MYLK: variants seen among roughly 807,000 people sequenced by gnomAD.
MYLK encodes the protein myosin light chain kinase, smooth muscle.
MYLK carries 106 observed loss-of-function variants against 203.4 expected under a neutral mutation model. That is an observed-to-expected ratio of 0.52 (90% CI 0.45 to 0.61). The LOEUF (loss-of-function observed/expected upper bound fraction) is 0.61, where lower values mean the gene tolerates loss of function less well. MYLK is among the 20% of genes least tolerant of loss of function. The pLI is 0.00. For synonymous variants in MYLK, 867 were observed against 959.5 expected, an observed-to-expected ratio of 0.90 and a Z score of 1.78; for missense variants, 2,072 against 2,442.3, an observed-to-expected ratio of 0.85 and a Z score of 3.20.
chr3:123,737,286 C>T (rs2062706156), intron 8 of MYLK, 92 bp downstream of exon 8: 1 of 1,525,752 alleles, frequency 6.6e-7, no homozygotes, highest in Non-Finnish European at 9.1e-7. Context: ...CAGGTGTATA[C>T]ACACACAGGT....
chr3:123,837,121 C>T (rs534030046), intron 2 of MYLK, among the ~76,000 whole-genome samples: 22 of 152,162 alleles, frequency 1.4e-4, no homozygotes, highest in Non-Finnish European at 3.2e-4. Flanking sequence ...GCAACCTCCA[C>T]CTCCTGGGTT....
In MYLK at chr3:123,612,627, A is replaced by C. The variant is rs1207913163; in HGVS notation, c.*1478T>G. 1 of 152,678 alleles carries C rather than the reference A, an allele frequency of 6.5e-6. No homozygotes were observed. The highest frequency in any genetic ancestry group is 1.9e-4 in the East Asian group (1 of 5,206). 9.5% of individuals were successfully genotyped at this position (152,678 alleles called of 1,614,324 possible). A position where few individuals can be genotyped will look rare whatever the true frequency, so the allele number is the denominator to read the frequency against. The stretch of plus-strand genomic sequence containing the variant: ...CTATTTTAAAAGCAAAAGGAAAAAT[A>C]CTGGCAGTTTGAAACTAGCAGCAAA... On this transcript the variant is annotated 3_prime_UTR_variant, in exon 34 of 34. Transcript: ENST00000360304.
chr3:123,680,717 T>C (rs2108445155), intron 20 of MYLK, among the ~76,000 whole-genome samples: 1 of 152,322 alleles, frequency 6.6e-6, no homozygotes, highest in East Asian at 1.9e-4. Flanking sequence ...AAGGTAAGAA[T>C]AAAATAAAGT....
Position 123,692,761 on chromosome 3 carries a change from T to G in MYLK, c.3539A>C (p.Glu1180Ala). ...CVAKNDAGQA[E>A]CSCQVTVDDA... is the part of the protein sequence containing the mutation. Reference sequence around the variant, plus strand: ...ATCCACGGTGACTTGGCAGGAGCACTCCGCCTGGCCAGCGTCATTCTTGGC... The same window carrying G: ...ATCCACGGTGACTTGGCAGGAGCACGCCGCCTGGCCAGCGTCATTCTTGGC... The change falls in exon 19 of 34, where the codon GAG becomes GCG. Residue 1180 changes from glutamate to alanine, a missense_variant. Glu to Ala is a moderately radical substitution (Grantham distance 107). Around this residue, in one of 3 missense-constraint regions of MYLK, gnomAD observed 865 missense variants for 1,016.0 expected, o/e 0.85. Coordinates refer to ENST00000360304, the MANE Select transcript of MYLK (RefSeq NM_053025.4). 1.2e-6 allele frequency: 2 copies of G among 1,613,900 alleles called. No homozygotes were observed. Among genetic ancestry groups the G allele is most frequent in the Non-Finnish European group, 1.7e-6 (2 of 1,179,982 alleles).
At chr3:123,733,653 T>C in intron 10 of MYLK, 34 bp downstream of exon 10, 1 of 1,612,116 alleles carries the variant, frequency 6.2e-7, no homozygotes. Context: ...GGGCTACATT[T>C]TGGCAATCGG....
chr3:123,694,065 G>A (rs990964069), intron 18 of MYLK, among the ~76,000 whole-genome samples: 3 of 152,194 alleles, frequency 2.0e-5, no homozygotes, highest in Non-Finnish European at 4.4e-5. Flanking sequence ...GCAAATACAA[G>A]GAGATTAGAA....
intron 2 of MYLK, among the ~76,000 whole-genome samples, chr3:123,846,407 T>A (rs2030002054): frequency 6.6e-6 from 1 of 152,190 alleles, no homozygotes; most frequent in African/African-American, 2.4e-5. Flanking sequence ...TTGAGATTGA[T>A]CTCTTAAGAA....
At chr3:123,801,674 T>G (rs1353680256) in intron 3 of MYLK, among the ~76,000 whole-genome samples, 1 of 152,184 alleles carries the variant, frequency 6.6e-6, no homozygotes, top group Non-Finnish European at 1.5e-5. Flanking sequence ...TGAGAACATG[T>G]GGTATTTGTT....
intron 27 of MYLK, 62 bp downstream of exon 27, chr3:123,647,162 G>GT (rs1036602172): frequency 3.4e-6 from 5 of 1,491,796 alleles, no homozygotes; most frequent in Admixed American, 1.7e-5. Context: ...GGGTAGGGCA[G>GT]TAGGGGAGAC....
At chr3:123,638,244 C>T (rs751450946) in intron 28 of MYLK, 50 bp from the exon 29 acceptor site, 2 of 1,612,078 alleles carry the variant, frequency 1.2e-6, no homozygotes, top group African/African-American at 2.7e-5. Flanking sequence ...ACGGAGCCAG[C>T]TTGAGACCAG....
At chr3:123,846,400 A>G (rs1399429576) in intron 2 of MYLK, among the ~76,000 whole-genome samples, 1 of 152,118 alleles carries the variant, frequency 6.6e-6, no homozygotes, top group Non-Finnish European at 1.5e-5. Flanking sequence ...GTTGTTTTTG[A>G]GATTGATCTC....
chr3:123,746,138 G>A (rs2063008498), intron 5 of MYLK, among the ~76,000 whole-genome samples: 1 of 152,158 alleles, frequency 6.6e-6, no homozygotes, highest in Non-Finnish European at 1.5e-5. Context: ...TTACAGGTGT[G>A]AGCCACCATG....
chr3:123,733,988 C>T lies in MYLK; in HGVS notation c.1008G>A (p.Pro336=), dbSNP rs143682943. The part of the protein sequence containing the change: ...KDSPRTAPQT[P]VLQKTSSSIT... ...TGGAGCTGGAAGTCTTCTGAAGGAC[C>T]GGGGTCTGCGGGGCCGTTCTGGGCG... Residue 336 remains proline (P), a synonymous_variant, in exon 10 of 34, where the codon CCG becomes CCA. Transcript: ENST00000360304. The T allele has an allele frequency of 6.0e-5, 97 of 1,614,172 alleles. 1 individual carries two copies. In the South Asian group the frequency reaches 7.5e-4, roughly 12 times the overall value.
intron 16 of MYLK, among the ~76,000 whole-genome samples, chr3:123,703,323 TGG>T (rs1193767537): frequency 6.6e-6 from 1 of 152,218 alleles, no homozygotes; most frequent in Non-Finnish European, 1.5e-5. Context: ...TCCCGCCTGC[TGG>T]GCTCCTCTCC....
At chr3:123,621,238 C>T (rs1488296161) in intron 31 of MYLK, 1 of 152,128 alleles carries the variant, frequency 6.6e-6, no homozygotes, top group Non-Finnish European at 1.5e-5. Context: ...GTAAGTTTTT[C>T]ACCTTTTTTC....
Position 123,640,183 on chromosome 3 carries a change from C to T in MYLK, c.4837+104G>A, listed in dbSNP as rs1300627879. 1.8e-5 allele frequency: 20 copies of T among 1,115,610 alleles called. No individual in the cohort carries two copies. Among genetic ancestry groups the T allele is most frequent in the African/African-American group, 6.2e-5 (4 of 64,932 alleles). The allele number at this position is 1,115,610 out of a possible 1,614,324, so 69.1% of individuals were successfully genotyped here. A position where few individuals can be genotyped will look rare whatever the true frequency, so the allele number is the denominator to read the frequency against. ...CAAACCTGGGAAGTCTTCATGGTCT[C>T]GGATTTAACCCCAATACTGTATGTT... On this transcript the variant is annotated intron_variant, in intron 28 of 33. Coordinates refer to ENST00000360304, the MANE Select transcript of MYLK (RefSeq NM_053025.4). This position sits in a 1 kb window ranked among gnomAD's most constrained non-coding sequence, Gnocchi z 4.3.
Position 123,737,559 on chromosome 3 carries a change from G to T in MYLK, c.589-16C>A, listed in dbSNP as rs934336145. ...GAACATTTCCCTGTGGATGGCAATG[G>T]GGTAACTTGGTCATACAAATCTGCT... On this transcript the variant is annotated splice_polypyrimidine_tract_variant and intron_variant, in intron 7 of 33. Coordinates refer to ENST00000360304, the MANE Select transcript of MYLK (RefSeq NM_053025.4). 3 of 1,613,792 alleles carry T rather than the reference G, an allele frequency of 1.9e-6. No individual in the cohort carries two copies. The highest frequency in any genetic ancestry group is 2.7e-5 in the African/African-American group (2 of 74,924).
intron 2 of MYLK, among the ~76,000 whole-genome samples, chr3:123,839,437 G>C (rs1229431267): frequency 6.6e-6 from 1 of 152,096 alleles, no homozygotes; most frequent in African/African-American, 2.4e-5. Flanking sequence ...GCAGATTTCA[G>C]GAAAAGGAAT....
At position 123,640,561 on chromosome 3, in the gene MYLK, CAGGG is replaced by C; in HGVS notation, c.4620-61_4620-58del. 1 of 1,596,018 alleles carries C rather than the reference CAGGG, an allele frequency of 6.3e-7. No individual in the cohort carries two copies. On this transcript the variant is annotated intron_variant, in intron 27 of 33. Coordinates refer to ENST00000360304, the MANE Select transcript of MYLK (RefSeq NM_053025.4). The surrounding 1 kb of genome is among the most constrained non-coding windows in gnomAD (Gnocchi z 4.3). ...CACAGGCTCATGGAGGCCAGGCTGG[CAGGG>C]AGTCTGGCCAGGGTAGGCTGGGGGT...
Sources: gnomAD v4.1 joint callset for allele counts (sites outside exome capture counted in the v4.1 genomes callset) on GRCh38, gnomAD v4.1.1 for gene constraint, gnomAD v4.1.1 regional missense constraint, Gnocchi (gnomAD v3.1) non-coding constraint, MANE v1.5 for transcripts, NCBI Gene and HGNC (gene_info 2026-07-23, HGNC 2026-07-21) for gene names.